Variants in DGKI observed in about 807,000 individuals in gnomAD.
DGKI encodes the protein diacylglycerol kinase iota.
Under a neutral mutation model 147.5 loss-of-function variants are expected in DGKI, and 55 were observed. That is an observed-to-expected ratio of 0.37 (90% CI 0.30 to 0.47). The LOEUF (loss-of-function observed/expected upper bound fraction) is 0.47, where lower values mean the gene tolerates loss of function less well. Ranked by LOEUF, DGKI falls within the 20% of genes least tolerant of loss-of-function variation. The probability of loss-of-function intolerance (pLI) is 1.00; values close to 1 mark genes in which losing one functional copy is unlikely to be tolerated. For missense variants in DGKI, 1,007 were observed against 1,323.8 expected (o/e 0.76, Z 3.71); for synonymous variants, 469 against 477.1 (o/e 0.98, Z 0.22).
intron 18 of DGKI, 60 bp from the exon 19 acceptor site, chr7:137,571,346 AGGT>A: frequency 8.0e-7 from 1 of 1,256,234 alleles, no homozygotes; most frequent in Non-Finnish European, 1.1e-6. Flanking sequence ...GACTATCATG[AGGT>A]GTTAGTTTGT....
At chr7:137,415,041 T>A (rs1307352656) in intron 28 of DGKI, among the ~76,000 whole-genome samples, 1 of 152,188 alleles carries the variant, frequency 6.6e-6, no homozygotes, top group East Asian at 1.9e-4. Flanking sequence ...AGAAGGAGCC[T>A]ACCAATAAGG....
At chr7:137,550,241 A>G (rs1818000882) in intron 20 of DGKI, among the ~76,000 whole-genome samples, 1 of 148,536 alleles carries the variant, frequency 6.7e-6, no homozygotes, top group Admixed American at 6.8e-5. Context: ...TCTCGGCTCC[A>G]TGAAACTTCT....
intron 19 of DGKI, among the ~76,000 whole-genome samples, chr7:137,566,266 T>G (rs1484513337): frequency 6.6e-6 from 1 of 152,128 alleles, no homozygotes; most frequent in East Asian, 1.9e-4. Context: ...AAACAAATGT[T>G]TGAGTTTTCA....
chr7:137,621,899 TG>T (rs2128998013), intron 7 of DGKI, among the ~76,000 whole-genome samples: 1 of 152,294 alleles, frequency 6.6e-6, no homozygotes, highest in South Asian at 2.1e-4. Flanking sequence ...GCCCCACCAG[TG>T]GGGTCTCACC....
intron 1 of DGKI, among the ~76,000 whole-genome samples, chr7:137,707,540 C>G (rs1794076852): frequency 6.6e-6 from 1 of 152,192 alleles, no homozygotes; most frequent in African/African-American, 2.4e-5. Flanking sequence ...TGGGTTAATA[C>G]TATCCCTCTT....
intron 1 of DGKI, among the ~76,000 whole-genome samples, chr7:137,813,473 T>G (rs919728973): frequency 3.9e-5 from 6 of 152,200 alleles, no homozygotes; most frequent in African/African-American, 1.4e-4. Context: ...GGCAGGGCTA[T>G]GGATGCACTT....
chr7:137,817,115 T>C (rs1465634605), intron 1 of DGKI, among the ~76,000 whole-genome samples: 2 of 152,248 alleles, frequency 1.3e-5, no homozygotes, highest in Non-Finnish European at 1.5e-5. Context: ...TTGCTTTTTA[T>C]TTCCTAATCA....
At chr7:137,715,818 T>C (rs993190940) in intron 1 of DGKI, among the ~76,000 whole-genome samples, 2 of 152,142 alleles carry the variant, frequency 1.3e-5, no homozygotes, top group African/African-American at 4.8e-5. Context: ...AGGGAGTGAA[T>C]TCTGCTTGTA....
At chr7:137,759,606 T>G (rs1206071095) in intron 1 of DGKI, among the ~76,000 whole-genome samples, 1 of 152,138 alleles carries the variant, frequency 6.6e-6, no homozygotes, top group Non-Finnish European at 1.5e-5. Context: ...CCTCCCAAAG[T>G]GCTAGGATTA....
chr7:137,744,261 C>T (rs1795262447), intron 1 of DGKI, among the ~76,000 whole-genome samples: 2 of 152,134 alleles, frequency 1.3e-5, no homozygotes, highest in South Asian at 4.1e-4. Context: ...GTGAATATCT[C>T]TATGCACACA....
intron 21 of DGKI, chr7:137,513,908 GAAGA>G: frequency 4.1e-6 from 3 of 740,146 alleles, no homozygotes; most frequent in South Asian, 3.0e-5. Context: ...AAGCGCAAAA[GAAGA>G]AAGATGAGGC....
intron 1 of DGKI, among the ~76,000 whole-genome samples, chr7:137,787,861 A>G (rs1256091290): frequency 1.3e-5 from 2 of 152,108 alleles, no homozygotes; most frequent in African/African-American, 4.8e-5. Context: ...AAGCATAAGA[A>G]TGACACATTG....
At chr7:137,526,707 T>C (rs985355813) in intron 20 of DGKI, among the ~76,000 whole-genome samples, 1 of 152,162 alleles carries the variant, frequency 6.6e-6, no homozygotes, top group African/African-American at 2.4e-5. Flanking sequence ...ACACTTAATC[T>C]TGCTATTCTC....
chr7:137,717,321 G>A (rs904134945), intron 1 of DGKI, among the ~76,000 whole-genome samples: 20 of 152,058 alleles, frequency 1.3e-4, no homozygotes, highest in African/African-American at 4.1e-4. Context: ...AAAAGGAAGA[G>A]GAAAAATTGC....
intron 22 of DGKI, among the ~76,000 whole-genome samples, chr7:137,486,164 T>C (rs1359424257): frequency 6.6e-6 from 1 of 152,138 alleles, no homozygotes; most frequent in Non-Finnish European, 1.5e-5. Context: ...TTTCCATTAG[T>C]TTTAAAAATT....
Position 137,483,647 on chromosome 7 carries a change from C to T in DGKI, c.2373+1727G>A, listed in dbSNP as rs192147493. 6.6e-5 allele frequency among the ~76,000 whole-genome samples: 10 copies of T among 152,150 alleles called. No individual in the cohort carries two copies. The East Asian group carries it at 1.9e-3, about 29-fold the overall frequency. Reference sequence around the variant, plus strand: ...GTGTGTGTTGTTCCCCTCTCTGTGTCCATGTGTTCTCATTGTTTAGCTACC... The same window carrying T: ...GTGTGTGTTGTTCCCCTCTCTGTGTTCATGTGTTCTCATTGTTTAGCTACC... On this transcript the variant is annotated intron_variant, in intron 23 of 32. Coordinates refer to ENST00000614521, the MANE Select transcript of DGKI (RefSeq NM_001321708.2).
Position 137,623,449 on chromosome 7 carries a change from G to A in DGKI, c.876+34C>T, listed in dbSNP as rs369724885. 5.0e-4 allele frequency: 787 copies of A among 1,589,408 alleles called. 11 individuals carry two copies. The South Asian group carries it at 6.9e-3, about 14-fold the overall frequency. ...ACACAAGTGTATTTCGACAAAACAT[G>A]AGCCCACATTGCTTTATTTCATCCC... On this transcript the variant is annotated intron_variant, in intron 7 of 32. Coordinates refer to ENST00000614521, the MANE Select transcript of DGKI (RefSeq NM_001321708.2).
At chr7:137,446,747 G>A (rs1403809492) in intron 27 of DGKI, among the ~76,000 whole-genome samples, 1 of 152,078 alleles carries the variant, frequency 6.6e-6, no homozygotes, top group Non-Finnish European at 1.5e-5. Context: ...GAAAGAAAGA[G>A]AGAGAGGGAG....
intron 1 of DGKI, among the ~76,000 whole-genome samples, chr7:137,690,531 T>C (rs1047733860): frequency 1.3e-5 from 2 of 152,224 alleles, no homozygotes; most frequent in Non-Finnish European, 1.5e-5. Flanking sequence ...TGCAGAGGAC[T>C]ACATGAGTTT....
Sources: allele counts gnomAD v4.1 joint callset (sites outside exome capture counted in the v4.1 genomes callset), GRCh38; gene constraint gnomAD v4.1.1; transcripts MANE v1.5; gene names NCBI Gene and HGNC (gene_info 2026-07-23, HGNC 2026-07-21).